CCDC106: variants seen among roughly 807,000 people sequenced by gnomAD.
CCDC106 encodes coiled-coil domain containing 106, also known as coiled-coil domain-containing protein 106.
In CCDC106, 17 loss-of-function variants were observed where a neutral mutation model predicts 24.7. The ratio of observed to expected loss-of-function variants is 0.69; its 90% CI spans 0.47 to 1.03. The LOEUF (loss-of-function observed/expected upper bound fraction) is 1.03. CCDC106 is among the 50% of genes least tolerant of loss of function. The pLI, the probability that CCDC106 is intolerant of heterozygous loss-of-function variation, is 0.00. For missense variants in CCDC106, 337 were observed against 388.9 expected, an observed-to-expected ratio of 0.87 and a Z score of 1.12; for synonymous variants, 211 against 161.3, an observed-to-expected ratio of 1.31 and a Z score of -2.34.
At chr19:55,651,585 C>T (rs750290132) in intron 4 of CCDC106, 90 bp downstream of exon 4, 71 of 904,298 alleles carry the variant, frequency 7.9e-5, no homozygotes, top group Non-Finnish European at 1.1e-4. Flanking sequence ...CTCTCCAAGC[C>T]CCTCCAGCCT....
intron 3 of CCDC106, among the ~76,000 whole-genome samples, chr19:55,649,940 C>T (rs1490003818): frequency 2.0e-5 from 3 of 152,152 alleles, no homozygotes; most frequent in Non-Finnish European, 2.9e-5. Flanking sequence ...TCCTTCATCT[C>T]TTTGGCCAAG....
Position 55,652,663 on chromosome 19 carries a change from C to T in CCDC106, c.760C>T (p.Leu254=), listed in dbSNP as rs146625570. The T allele has an allele frequency of 7.4e-6, 12 of 1,613,338 alleles. No individual in the cohort carries two copies. Among genetic ancestry groups the T allele is most frequent in the African/African-American group, 2.7e-5 (2 of 75,050 alleles). The change falls in exon 5 of 5, where the codon CTG becomes TTG. Residue 254 remains leucine, a synonymous_variant. Transcript: ENST00000586790. This position sits in a 1 kb window ranked among gnomAD's most constrained non-coding sequence, Gnocchi z 5.9. The part of the protein sequence containing the change: ...LEYSRRCFLA[L]DDETLKKVQA... ...GTACTCCCGCCGCTGCTTTCTGGCC[C>T]TGGACGACGAGACGCTCAAGAAGGT...
chr19:55,651,340 G>C lies in CCDC106; in HGVS notation c.371G>C (p.Gly124Ala). The part of the protein sequence containing the change: ...PRRMEGDSRG[G>A]AGGEASDPES... ...CGGATGGAGGGGGACAGCCGTGGTG[G>C]GGCTGGGGGCGAGGCCTCGGACCCT... is the stretch of plus-strand genomic sequence containing the variant. The change falls in exon 4 of 5, where the codon GGG (glycine) becomes GCG (alanine). Residue 124 changes from glycine to alanine, a missense_variant. This residue lies in a region of CCDC106 where 234 missense variants were observed against 236.5 expected (regional missense o/e 0.99). Coordinates refer to ENST00000586790, the MANE Select transcript of CCDC106 (RefSeq NM_001370470.1). 6.2e-7 allele frequency: 1 copy of C among 1,613,442 alleles called. No homozygotes were observed. The highest frequency in any genetic ancestry group is 8.5e-7 in the Non-Finnish European group (1 of 1,179,868).
intron 1 of CCDC106, 30 bp downstream of exon 1, chr19:55,649,107 TG>T: frequency 1.9e-6 from 3 of 1,613,680 alleles, no homozygotes; most frequent in Non-Finnish European, 2.5e-6. Flanking sequence ...TTCCCTACCC[TG>T]GGTCCCAGTG....
At position 55,649,541 on chromosome 19, in the gene CCDC106, G is replaced by T. The variant is rs776259359; in HGVS notation, c.270G>T (p.Arg90=). 2.5e-6 allele frequency: 4 copies of T among 1,614,158 alleles called. No homozygotes were observed. Among genetic ancestry groups the T allele is most frequent in the Non-Finnish European group, 3.4e-6 (4 of 1,180,006 alleles). Residue 90 remains arginine, a synonymous_variant, in exon 3 of 5, where the codon CGG becomes CGT. Coordinates refer to ENST00000586790, the MANE Select transcript of CCDC106 (RefSeq NM_001370470.1). ...EDLEEERDFL[R]CQLDKFISSA... is the part of the protein sequence containing the mutation. ...TGGAGGAAGAGAGGGACTTCCTGCG[G>T]TGCCAGCTGGACAAATTCATCTCTT...
chr19:55,652,317 C>T lies in CCDC106; in HGVS notation c.527-113C>T, dbSNP rs1007024889. The T allele has an allele frequency of 2.3e-6, 2 of 886,284 alleles. No homozygotes were observed. The highest frequency in any genetic ancestry group is 1.7e-5 in the African/African-American group (1 of 58,978). 54.9% of individuals were successfully genotyped at this position (886,284 alleles called of 1,614,324 possible). A position where few individuals can be genotyped will look rare whatever the true frequency, so the allele number is the denominator to read the frequency against. On this transcript the variant is annotated intron_variant, in intron 4 of 4. Transcript: ENST00000586790. The surrounding 1 kb of genome is among the most constrained non-coding windows in gnomAD (Gnocchi z 5.9). ...TTCTCCGTCTCCACCTGCACCGGCCCGTGCCTCTGCTCGCCGAGATCCTTT... is the reference window on the plus strand; with the variant it reads ...TTCTCCGTCTCCACCTGCACCGGCCTGTGCCTCTGCTCGCCGAGATCCTTT...
chr19:55,651,265 GT>G lies in CCDC106; in HGVS notation c.314-17del. 1.9e-6 allele frequency: 3 copies of G among 1,585,538 alleles called. No individual in the cohort carries two copies. The highest frequency in any genetic ancestry group is 2.6e-6 in the Non-Finnish European group (3 of 1,154,224). On this transcript the variant is annotated splice_polypyrimidine_tract_variant and intron_variant, in intron 3 of 4. Coordinates refer to ENST00000586790, the MANE Select transcript of CCDC106 (RefSeq NM_001370470.1). ...ATGTCTGGTCCCTTGGTTCATGTGTGTGTCTCCATCTCCCCAGAGGACCACT... is the reference window on the plus strand; with the variant it reads ...ATGTCTGGTCCCTTGGTTCATGTGTGGTCTCCATCTCCCCAGAGGACCACT...
At chr19:55,651,220 G>A (rs1292705986) in intron 3 of CCDC106, 63 bp from the exon 4 acceptor site, 1 of 1,296,810 alleles carries the variant, frequency 7.7e-7, no homozygotes, top group East Asian at 2.3e-5. Context: ...GCCTCTCTCA[G>A]TCCCGGGACC....
At position 55,652,142 on chromosome 19, in the gene CCDC106, G is replaced by A. The variant is rs1018505143; in HGVS notation, c.527-288G>A. Among the ~76,000 whole-genome samples, 1 of 152,010 alleles carries A rather than the reference G, an allele frequency of 6.6e-6. No individual in the cohort carries two copies. Among genetic ancestry groups the A allele is most frequent in the Non-Finnish European group, 1.5e-5 (1 of 67,988 alleles). On this transcript the variant is annotated intron_variant, in intron 4 of 4. Coordinates refer to ENST00000586790, the MANE Select transcript of CCDC106 (RefSeq NM_001370470.1). This position sits in a 1 kb window ranked among gnomAD's most constrained non-coding sequence, Gnocchi z 5.9. ...ACGAGGGTGATGGCTCGGGGTGTCG[G>A]GGGGTGCTGGGACCGCGTGGGTTGA...
At chr19:55,649,122 T>C (rs769692576) in intron 1 of CCDC106, 45 bp downstream of exon 1, 1 of 1,613,098 alleles carries the variant, frequency 6.2e-7, no homozygotes, top group South Asian at 1.1e-5. Flanking sequence ...CCCAGTGCGG[T>C]CGGCTCCAGG....
At position 55,649,454 on chromosome 19, in the gene CCDC106, C is replaced by G. The variant is rs560164070; in HGVS notation, c.183C>G (p.Val61=). Residue 61 remains valine, a synonymous_variant, in exon 3 of 5, where the codon GTC becomes GTG. Transcript: ENST00000586790. ...ASSALALMNS[V]KTQLHMALER... ...CCGCCCTGGCTCTGATGAACAGCGT[C>G]AAGACCCAGCTGCACATGGCTCTGG... The G allele has an allele frequency of 6.2e-7, 1 of 1,614,144 alleles. No homozygotes were observed. Among genetic ancestry groups the G allele is most frequent in the Non-Finnish European group, 8.5e-7 (1 of 1,180,010 alleles).
chr19:55,653,040 C>T lies in CCDC106; in HGVS notation c.*294C>T, dbSNP rs1983449673. The T allele has an allele frequency of 2.8e-6, 1 of 356,576 alleles. No homozygotes were observed. The highest frequency in any genetic ancestry group is 4.8e-5 in the South Asian group (1 of 20,660). 22.1% of individuals were successfully genotyped at this position (356,576 alleles called of 1,614,324 possible). On this transcript the variant is annotated 3_prime_UTR_variant, in exon 5 of 5. Coordinates refer to ENST00000586790, the MANE Select transcript of CCDC106 (RefSeq NM_001370470.1). ...GTGGGGGACTGTACAGACCCCGTCT[C>T]CGCCCTGGCCCCGCGGAGGAGCTGC... is the stretch of plus-strand genomic sequence containing the variant.
upstream of CCDC106, among the ~76,000 whole-genome samples, chr19:55,647,438 C>T (rs1452524799): frequency 6.6e-6 from 1 of 152,236 alleles, no homozygotes; most frequent in Non-Finnish European, 1.5e-5. Context: ...CATACCCCAC[C>T]ATCTGACCTC....
rs200684341 is a variant in CCDC106, at chr19:55,651,414, A to T, written c.445A>T (p.Ser149Cys). Residue 149 changes from serine (S) to cysteine (C), a missense_variant, in exon 4 of 5, where the codon AGT (serine) becomes TGT (cysteine). Around this residue, in one of 2 missense-constraint regions of CCDC106, gnomAD observed 234 missense variants for 236.5 expected, o/e 0.99. Coordinates refer to ENST00000586790, the MANE Select transcript of CCDC106 (RefSeq NM_001370470.1). ...CGGAGCGTCCGAAGAAGGCAGCGCC[A>T]GTGAGAGGAGGCGGCAGAAGCAGAA... Reference protein sequence around the residue: ...LSGASEEGSASERRRQKQKGG... With the variant: ...LSGASEEGSACERRRQKQKGG... 2.5e-6 allele frequency: 4 copies of T among 1,609,098 alleles called. No homozygotes were observed. The highest frequency in any genetic ancestry group is 3.4e-6 in the Non-Finnish European group (4 of 1,178,122).
chr19:55,651,530 C>T, intron 4 of CCDC106, 35 bp downstream of exon 4: 3 of 1,404,432 alleles, frequency 2.1e-6, no homozygotes, highest in Non-Finnish European at 2.9e-6. Context: ...GCTGAGGGGC[C>T]CGGGCTGCTG....
Position 55,652,643 on chromosome 19 carries a change from C to G in CCDC106, c.740C>G (p.Ser247Cys). ...DPSKERLLEY[S>C]RRCFLALDDE... The stretch of plus-strand genomic sequence containing the variant: ...TCCAAGGAGCGCCTGCTCGAGTACT[C>G]CCGCCGCTGCTTTCTGGCCCTGGAC... Residue 247 changes from serine (S) to cysteine (C), a missense_variant, in exon 5 of 5, where the codon TCC becomes TGC. This residue lies in a region of CCDC106 where 103 missense variants were observed against 152.4 expected (regional missense o/e 0.68). Coordinates refer to ENST00000586790, the MANE Select transcript of CCDC106 (RefSeq NM_001370470.1). This position sits in a 1 kb window ranked among gnomAD's most constrained non-coding sequence, Gnocchi z 5.9. 6.2e-7 allele frequency: 1 copy of G among 1,613,224 alleles called. No individual in the cohort carries two copies.
In CCDC106 at chr19:55,651,371, A is replaced by C. The variant is rs1178743212; in HGVS notation, c.402A>C (p.Ser134=). ...GGGGCGAGGCCTCGGACCCTGAGTCAGCAGCCTCCTCCCTCAGCGGAGCGT... is the reference window on the plus strand; with the variant it reads ...GGGGCGAGGCCTCGGACCCTGAGTCCGCAGCCTCCTCCCTCAGCGGAGCGT... ...GAGGEASDPE[S]AASSLSGASE... The change falls in exon 4 of 5, where the codon TCA becomes TCC. Residue 134 remains serine, a synonymous_variant. Coordinates refer to ENST00000586790, the MANE Select transcript of CCDC106 (RefSeq NM_001370470.1). 1 of 1,612,688 alleles carries C rather than the reference A, an allele frequency of 6.2e-7. No homozygotes were observed. The highest frequency in any genetic ancestry group is 8.5e-7 in the Non-Finnish European group (1 of 1,179,480).
intron 1 of CCDC106, 24 bp from the exon 2 acceptor site, chr19:55,649,181 T>A (rs1386920030): frequency 6.2e-7 from 1 of 1,609,618 alleles, no homozygotes; most frequent in Non-Finnish European, 8.5e-7. Context: ...TTCTCTGGGG[T>A]AACCCGGGGC....
chr19:55,651,811 G>T (rs773543601), intron 4 of CCDC106, among the ~76,000 whole-genome samples: 2 of 151,962 alleles, frequency 1.3e-5, no homozygotes, highest in Non-Finnish European at 2.9e-5. Flanking sequence ...ACAGGCACCC[G>T]CCACCACGCC....
Sources: gnomAD v4.1 joint callset for allele counts (sites outside exome capture counted in the v4.1 genomes callset) on GRCh38, gnomAD v4.1.1 for gene constraint, gnomAD v4.1.1 regional missense constraint, Gnocchi (gnomAD v3.1) non-coding constraint, MANE v1.5 for transcripts, NCBI Gene and HGNC (gene_info 2026-07-23, HGNC 2026-07-21) for gene names.